Variants in DTNA observed in about 807,000 individuals in gnomAD.
DTNA encodes dystrophin-related protein 3.
DTNA carries 43 observed loss-of-function variants against 100.7 expected under a neutral mutation model. The ratio of observed to expected loss-of-function variants is 0.43; its 90% CI spans 0.33 to 0.55. The LOEUF (loss-of-function observed/expected upper bound fraction) is 0.55. Ranked by LOEUF, DTNA falls within the 20% of genes least tolerant of loss-of-function variation. The pLI, the probability that DTNA is intolerant of heterozygous loss-of-function variation, is 0.04. For missense variants in DTNA, 798 were observed against 953.9 expected (o/e 0.84, Z 2.15); for synonymous variants, 349 against 347.9 (o/e 1.00, Z -0.04).
intron 3 of DTNA, among the ~76,000 whole-genome samples, chr18:34,792,668 G>A (rs1454726474): frequency 6.6e-6 from 1 of 152,206 alleles, no homozygotes; most frequent in Non-Finnish European, 1.5e-5. Flanking sequence ...CTTAAATGGT[G>A]AAGATGTGGA....
intron 1 of DTNA, among the ~76,000 whole-genome samples, chr18:34,669,701 G>GATATGAA (rs2076471945): frequency 6.6e-6 from 1 of 152,120 alleles, no homozygotes; most frequent in African/African-American, 2.4e-5. Flanking sequence ...AGTTTGGCTG[G>GATATGAA]ATATGAAATT....
intron 1 of DTNA, among the ~76,000 whole-genome samples, chr18:34,742,455 TC>T: frequency 6.6e-6 from 1 of 152,054 alleles, no homozygotes. Context: ...CATCTTCGAA[TC>T]CTCTCTCAAC....
intron 1 of DTNA, among the ~76,000 whole-genome samples, chr18:34,597,867 T>C (rs1408314533): frequency 6.6e-6 from 1 of 152,052 alleles, no homozygotes; most frequent in Non-Finnish European, 1.5e-5. Context: ...CACTGTACTT[T>C]CTGTACTTTC....
At chr18:34,631,687 A>T (rs1223611039) in intron 1 of DTNA, among the ~76,000 whole-genome samples, 1 of 152,230 alleles carries the variant, frequency 6.6e-6, no homozygotes, top group South Asian at 2.1e-4. Context: ...GATTTGATGA[A>T]GATAACATGA....
At chr18:34,651,635 C>T (rs1261151183) in intron 1 of DTNA, among the ~76,000 whole-genome samples, 1 of 152,112 alleles carries the variant, frequency 6.6e-6, no homozygotes, top group African/African-American at 2.4e-5. Context: ...TTTATAGGGC[C>T]TACCATAAAA....
At chr18:34,681,975 G>C (rs1355180015) in intron 1 of DTNA, among the ~76,000 whole-genome samples, 1 of 151,876 alleles carries the variant, frequency 6.6e-6, no homozygotes, top group Non-Finnish European at 1.5e-5. Flanking sequence ...TCCCTCCCCT[G>C]CACCTCACCC....
intron 3 of DTNA, among the ~76,000 whole-genome samples, chr18:34,779,410 A>G (rs1285500987): frequency 6.6e-6 from 1 of 152,210 alleles, no homozygotes; most frequent in Non-Finnish European, 1.5e-5. Flanking sequence ...CTCCTTGTAA[A>G]TGATCATAAG....
intron 1 of DTNA, among the ~76,000 whole-genome samples, chr18:34,717,554 C>T (rs1450309869): frequency 2.0e-5 from 3 of 152,134 alleles, no homozygotes; most frequent in South Asian, 2.1e-4. Context: ...TTTTAATGCT[C>T]ATTCATTTTC....
chr18:34,542,575 T>A (rs1601659339), intron 1 of DTNA, among the ~76,000 whole-genome samples: 1 of 151,820 alleles, frequency 6.6e-6, no homozygotes, highest in Non-Finnish European at 1.5e-5. Context: ...GAAGCAGAGG[T>A]GGAATCCAAA....
chr18:34,571,110 CA>C (rs1313110801), intron 1 of DTNA, among the ~76,000 whole-genome samples: 1 of 152,030 alleles, frequency 6.6e-6, no homozygotes, highest in Non-Finnish European at 1.5e-5. Flanking sequence ...AACAGAACAG[CA>C]AAAAATTCAA....
At chr18:34,813,625 C>T (rs1170978591) in intron 6 of DTNA, among the ~76,000 whole-genome samples, 5 of 151,956 alleles carry the variant, frequency 3.3e-5, no homozygotes, top group Admixed American at 6.6e-5. Flanking sequence ...GAGGCCAAGG[C>T]GGGCGGATCA....
intron 13 of DTNA, among the ~76,000 whole-genome samples, chr18:34,846,959 C>T (rs1286622509): frequency 1.3e-5 from 2 of 151,912 alleles, no homozygotes; most frequent in Non-Finnish European, 2.9e-5. Flanking sequence ...AAGGAAGAGC[C>T]GTAAGTATAA....
chr18:34,538,423 T>C (rs2043929766), intron 1 of DTNA, among the ~76,000 whole-genome samples: 1 of 152,074 alleles, frequency 6.6e-6, no homozygotes, highest in African/African-American at 2.4e-5. Flanking sequence ...AGTAAAATAC[T>C]GTGAGAACTA....
intron 17 of DTNA, chr18:34,867,069 A>T (rs553447168): frequency 8.1e-7 from 1 of 1,230,362 alleles, no homozygotes; most frequent in South Asian, 4.2e-5. Context: ...GTACCACGCT[A>T]TGTATGACAA....
chr18:34,575,067 A>G (rs1218755617), intron 1 of DTNA, among the ~76,000 whole-genome samples: 1 of 152,184 alleles, frequency 6.6e-6, no homozygotes, highest in African/African-American at 2.4e-5. Context: ...GGCTCCTCAG[A>G]GGCATAGCTG....
At chr18:34,511,704 G>A (rs2041109971) in intron 1 of DTNA, among the ~76,000 whole-genome samples, 1 of 152,000 alleles carries the variant, frequency 6.6e-6, no homozygotes, top group Non-Finnish European at 1.5e-5. Flanking sequence ...AACCTCTCCA[G>A]AACTGTGATT....
chr18:34,811,858 T>C, intron 5 of DTNA, 101 bp from the exon 6 acceptor site: 2 of 1,345,058 alleles, frequency 1.5e-6, no homozygotes, highest in Non-Finnish European at 2.1e-6. Context: ...ATAAAAAATG[T>C]TTATTTTGCT....
In DTNA at chr18:34,889,564, C is replaced by G; in HGVS notation, c.*1830C>G. 1 of 985,358 alleles carries G rather than the reference C, an allele frequency of 1.0e-6. No individual in the cohort carries two copies. Among genetic ancestry groups the G allele is most frequent in the Non-Finnish European group, 1.2e-6 (1 of 829,928 alleles). The allele number at this position is 985,358 out of a possible 1,614,324, so 61.0% of individuals were successfully genotyped here. Reference sequence around the variant, plus strand: ...CACCAAGTTCGTAGTTGGTAGGTGCCCAGCCAAGTCCTGACATCTTCATGC... The same window carrying G: ...CACCAAGTTCGTAGTTGGTAGGTGCGCAGCCAAGTCCTGACATCTTCATGC... On this transcript the variant is annotated 3_prime_UTR_variant, in exon 23 of 23. Coordinates refer to ENST00000444659, the MANE Select transcript of DTNA (RefSeq NM_001386795.1).
chr18:34,727,178 A>C (rs1420326362), intron 1 of DTNA, among the ~76,000 whole-genome samples: 1 of 152,238 alleles, frequency 6.6e-6, no homozygotes, highest in African/African-American at 2.4e-5. Context: ...ACAGGGCAGC[A>C]GGGTCCTGGG....
Sources: gnomAD v4.1 joint callset for allele counts (sites outside exome capture counted in the v4.1 genomes callset) on GRCh38, gnomAD v4.1.1 for gene constraint, MANE v1.5 for transcripts, NCBI Gene and HGNC (gene_info 2026-07-23, HGNC 2026-07-21) for gene names.